The following ACOXL variants were observed in gnomAD, a reference collection of about 807,000 sequenced individuals.
ACOXL encodes the protein acyl-coenzyme A oxidase-like protein.
ACOXL carries 70 observed loss-of-function variants against 71.9 expected under a neutral mutation model. The observed-to-expected ratio is 0.97, with a 90% confidence interval of 0.80 to 1.19. ACOXL has a LOEUF of 1.19. Ranked by LOEUF, ACOXL falls within the 50% of genes most tolerant of loss-of-function variation. The pLI is 0.00. For missense variants in ACOXL, 703 were observed against 736.3 expected, an observed-to-expected ratio of 0.95 and a Z score of 0.52; for synonymous variants, 253 against 281.6, an observed-to-expected ratio of 0.90 and a Z score of 1.02.
intron 1 of ACOXL, among the ~76,000 whole-genome samples, chr2:110,764,355 A>G (rs965288162): frequency 3.9e-5 from 6 of 152,342 alleles, no homozygotes; most frequent in African/African-American, 1.4e-4. Context: ...GTATCAAGCC[A>G]TGAAAAGCAC....
At chr2:110,807,177 A>AC (rs1686760353) in intron 9 of ACOXL, among the ~76,000 whole-genome samples, 1 of 152,176 alleles carries the variant, frequency 6.6e-6, no homozygotes, top group African/African-American at 2.4e-5. Flanking sequence ...GTGGGCAGGA[A>AC]AGCCCTGGGC....
At chr2:110,985,170 AT>A (rs3838226) in intron 12 of ACOXL, among the ~76,000 whole-genome samples, 136,660 of 152,220 alleles carry the variant, frequency 0.9, 61,611 homozygotes, top group African/African-American at 0.97. Context: ...CTGGATTGCT[AT>A]TATCATTTTA....
intron 11 of ACOXL, among the ~76,000 whole-genome samples, chr2:110,915,452 C>A (rs2059822375): frequency 8.3e-6 from 1 of 121,094 alleles, no homozygotes. Context: ...GAGATGGAGT[C>A]TTGCTGTGTT....
intron 1 of ACOXL, among the ~76,000 whole-genome samples, chr2:110,755,369 C>CA (rs1679529767): frequency 1.3e-5 from 2 of 152,090 alleles, no homozygotes; most frequent in Admixed American, 6.5e-5. Flanking sequence ...GAGAACATGT[C>CA]AAAAAATCAT....
intron 12 of ACOXL, among the ~76,000 whole-genome samples, chr2:110,965,177 G>A (rs1411838745): frequency 6.6e-6 from 1 of 152,116 alleles, no homozygotes; most frequent in Non-Finnish European, 1.5e-5. Context: ...TGGCCAAATA[G>A]TATTCCATTA....
rs560811369 is a variant in ACOXL at position 110,735,511 on chromosome 2, T to G, written c.-23+2737T>G. ...GGAAACAGTTTTCCTCCAAAAGAGG[T>G]TGTGCAACTTCCTACACACACTGGG... On this transcript the variant is annotated intron_variant, in intron 1 of 17. Coordinates refer to ENST00000439055, the MANE Select transcript of ACOXL (RefSeq NM_001142807.4). 1.8e-4 allele frequency among the ~76,000 whole-genome samples: 28 copies of G among 152,134 alleles called. No homozygotes were observed. In the East Asian group the frequency reaches 5.0e-3, roughly 27 times the overall value.
chr2:111,091,596 T>A (rs2068527185), intron 16 of ACOXL, among the ~76,000 whole-genome samples: 1 of 152,210 alleles, frequency 6.6e-6, no homozygotes, highest in Non-Finnish European at 1.5e-5. Flanking sequence ...GTTTTCAGTA[T>A]GAATTGCAGT....
At chr2:110,921,174 T>A (rs1319029880) in intron 11 of ACOXL, among the ~76,000 whole-genome samples, 4 of 152,178 alleles carry the variant, frequency 2.6e-5, no homozygotes, top group African/African-American at 9.7e-5. Flanking sequence ...ATGTTTTGTG[T>A]CCTCTTTCCT....
chr2:111,090,406 G>A (rs1296523875), intron 16 of ACOXL, among the ~76,000 whole-genome samples: 1 of 152,146 alleles, frequency 6.6e-6, no homozygotes, highest in Admixed American at 6.5e-5. Flanking sequence ...AGACTGGGCT[G>A]ATGGTACCTG....
At chr2:111,005,389 G>T (rs1334223821) in intron 14 of ACOXL, among the ~76,000 whole-genome samples, 2 of 152,150 alleles carry the variant, frequency 1.3e-5, no homozygotes, top group Non-Finnish European at 2.9e-5. Context: ...TTAGAGGTTT[G>T]GATGGAGAAT....
chr2:110,733,953 A>G (rs950724780), intron 1 of ACOXL, among the ~76,000 whole-genome samples: 1 of 152,162 alleles, frequency 6.6e-6, no homozygotes, highest in African/African-American at 2.4e-5. Context: ...TCATTCTCTC[A>G]CTAATGTACA....
At chr2:111,013,067 G>A (rs937409588) in intron 14 of ACOXL, among the ~76,000 whole-genome samples, 2 of 152,052 alleles carry the variant, frequency 1.3e-5, no homozygotes, top group African/African-American at 4.8e-5. Flanking sequence ...AAAAGATAAA[G>A]TACAAATTAA....
intron 10 of ACOXL, among the ~76,000 whole-genome samples, chr2:110,859,126 A>G (rs572786220): frequency 1.9e-4 from 29 of 152,356 alleles, no homozygotes; most frequent in Admixed American, 1.6e-3. Context: ...GTAAAATGTT[A>G]GTATTTGCAT....
chr2:111,060,486 CAG>C (rs2066761272), intron 16 of ACOXL, among the ~76,000 whole-genome samples: 1 of 152,158 alleles, frequency 6.6e-6, no homozygotes, highest in African/African-American at 2.4e-5. Context: ...TTGGTGGTCA[CAG>C]AGGTTGCAGT....
intron 10 of ACOXL, among the ~76,000 whole-genome samples, chr2:110,894,688 T>A (rs2058934627): frequency 6.6e-6 from 1 of 152,054 alleles, no homozygotes; most frequent in South Asian, 2.1e-4. Context: ...CCTAGACAAC[T>A]CCTGCCACCT....
intron 2 of ACOXL, among the ~76,000 whole-genome samples, chr2:110,781,068 T>C (rs568196902): frequency 3.0e-4 from 46 of 152,284 alleles, no homozygotes; most frequent in South Asian, 6.2e-4. Flanking sequence ...TGGTTGCCTT[T>C]GAAGGTGGGT....
Position 110,809,145 on chromosome 2 carries a change from C to T in ACOXL, c.753+3750C>T, listed in dbSNP as rs1402120390. Among the ~76,000 whole-genome samples the T allele has an allele frequency of 3.3e-5, 5 of 152,268 alleles. 1 individual carries two copies. The highest frequency in any genetic ancestry group is 6.3e-3 in the Middle Eastern group (2 of 316). On this transcript the variant is annotated intron_variant, in intron 9 of 17. Transcript: ENST00000439055. ...TGTTGCTGCCTCTTTGATCTAACTCCACGTGGCCCTTCTGTCCAGAACCAG... is the reference window on the plus strand; with the variant it reads ...TGTTGCTGCCTCTTTGATCTAACTCTACGTGGCCCTTCTGTCCAGAACCAG...
At chr2:110,805,119 T>G in intron 8 of ACOXL, 144 bp from the exon 9 acceptor site, 1 of 1,073,396 alleles carries the variant, frequency 9.3e-7, no homozygotes, top group South Asian at 1.5e-5. Context: ...CCCCTGCCCT[T>G]ATCGGCGCTC....
chr2:110,877,886 C>T (rs1159958338), intron 10 of ACOXL, among the ~76,000 whole-genome samples: 2 of 152,206 alleles, frequency 1.3e-5, no homozygotes, highest in East Asian at 3.8e-4. Flanking sequence ...CTGGGGAGAG[C>T]ACTGCATCCC....
Sources: allele counts gnomAD v4.1 joint callset (sites outside exome capture counted in the v4.1 genomes callset), GRCh38; gene constraint gnomAD v4.1.1; transcripts MANE v1.5; gene names NCBI Gene and HGNC (gene_info 2026-07-23, HGNC 2026-07-21).